TACC2: variants seen among roughly 807,000 people sequenced by gnomAD.
TACC2 encodes the protein transforming acidic coiled-coil containing protein 2.
TACC2 carries 137 observed loss-of-function variants against 227.3 expected under a neutral mutation model. That is an observed-to-expected ratio of 0.60 (90% CI 0.52 to 0.69). The LOEUF is 0.69. Among genes scored for constraint, TACC2 ranks in the 30% least tolerant of loss-of-function variants. The pLI, the probability that TACC2 is intolerant of heterozygous loss-of-function variation, is 0.00. For missense variants in TACC2, 3,470 were observed against 3,694.4 expected, an observed-to-expected ratio of 0.94 and a Z score of 1.57; for synonymous variants, 1,523 against 1,487.5, an observed-to-expected ratio of 1.02 and a Z score of -0.55.
At chr10:122,051,723 A>C (rs1281414621) in intron 3 of TACC2, 1 of 150,410 alleles carries the variant, frequency 6.6e-6, no homozygotes, top group African/African-American at 2.5e-5. Flanking sequence ...TTTGACTCAC[A>C]TGCTACTTCA....
chr10:122,115,271 AGTGTGTGTGTGTGTGTGTGTGT>A (rs1180604805), intron 5 of TACC2, among the ~76,000 whole-genome samples: 13 of 60,798 alleles, frequency 2.1e-4, no homozygotes, highest in South Asian at 9.8e-4. Flanking sequence ...TAGGTAGGTG[AGTGTGTGTGTGTGTGTGTGTGT>A]GTGTGTGTGT....
At chr10:122,062,673 G>C (rs910515469) in intron 3 of TACC2, among the ~76,000 whole-genome samples, 7 of 152,030 alleles carry the variant, frequency 4.6e-5, no homozygotes, top group African/African-American at 1.4e-4. Context: ...TCAACCTCTT[G>C]GCTTTTTCAG....
intron 7 of TACC2, among the ~76,000 whole-genome samples, chr10:122,146,557 A>G (rs1168966976): frequency 6.6e-6 from 1 of 152,088 alleles, no homozygotes; most frequent in African/African-American, 2.4e-5. Flanking sequence ...GACCCGAGCT[A>G]GCTTACTCAG....
chr10:122,229,591 G>A (rs1314938380), intron 15 of TACC2, 105 bp downstream of exon 15: 13 of 1,326,934 alleles, frequency 9.8e-6, no homozygotes, highest in Admixed American at 3.9e-5. Flanking sequence ...AGGAACTGCC[G>A]AGAACGTTCC....
At chr10:122,246,895 G>A (rs2096134803) in intron 19 of TACC2, 1 of 152,432 alleles carries the variant, frequency 6.6e-6, no homozygotes, top group African/African-American at 2.4e-5. Context: ...AGAGGAAAAT[G>A]AAGGACTCTA....
chr10:122,128,947 T>C (rs1425243363), intron 5 of TACC2, among the ~76,000 whole-genome samples: 1 of 151,966 alleles, frequency 6.6e-6, no homozygotes, highest in African/African-American at 2.4e-5. Context: ...CACATACCCA[T>C]GTATATCATT....
chr10:121,992,254 G>C (rs1388622252), intron 1 of TACC2, among the ~76,000 whole-genome samples: 1 of 152,216 alleles, frequency 6.6e-6, no homozygotes, highest in Non-Finnish European at 1.5e-5. Context: ...TGATATGCCA[G>C]GCTGTTCTTT....
At chr10:122,193,869 C>T (rs1478305568) in intron 7 of TACC2, among the ~76,000 whole-genome samples, 2 of 152,038 alleles carry the variant, frequency 1.3e-5, no homozygotes, top group Non-Finnish European at 1.5e-5. Context: ...ATTGAGTCAC[C>T]GGTGGAAGCA....
At chr10:122,145,952 C>T (rs2091320321) in intron 7 of TACC2, among the ~76,000 whole-genome samples, 1 of 152,212 alleles carries the variant, frequency 6.6e-6, no homozygotes, top group African/African-American at 2.4e-5. Flanking sequence ...CATTCAGCAA[C>T]ATGAACTTGG....
chr10:122,044,704 GA>G (rs2074767608), intron 2 of TACC2, among the ~76,000 whole-genome samples: 1 of 150,042 alleles, frequency 6.7e-6, no homozygotes, highest in Non-Finnish European at 1.5e-5. Context: ...TTTTTATGGT[GA>G]AATGCTTTAG....
chr10:122,226,055 C>T (rs759567348), intron 12 of TACC2, among the ~76,000 whole-genome samples: 20 of 152,342 alleles, frequency 1.3e-4, no homozygotes, highest in Non-Finnish European at 2.9e-4. Flanking sequence ...GCTCCTGGCC[C>T]AGAGAGCGTG....
At chr10:122,066,975 C>G (rs1034279394) in intron 3 of TACC2, among the ~76,000 whole-genome samples, 4 of 152,188 alleles carry the variant, frequency 2.6e-5, no homozygotes, top group African/African-American at 9.6e-5. Context: ...TCCATTTCTT[C>G]TGTTTCAGAC....
chr10:121,990,605 G>A (rs1350045607), intron 1 of TACC2, among the ~76,000 whole-genome samples: 5 of 152,020 alleles, frequency 3.3e-5, no homozygotes, highest in Non-Finnish European at 7.4e-5. Context: ...GCAGAGTCTT[G>A]TTTGGCTGGA....
Position 121,991,999 on chromosome 10 carries a change from A to G in TACC2, c.-46+2511A>G, listed in dbSNP as rs565541799. Among the ~76,000 whole-genome samples, 4 of 152,298 alleles carry G rather than the reference A, an allele frequency of 2.6e-5. No individual in the cohort carries two copies. In the South Asian group the frequency reaches 8.3e-4, roughly 32 times the overall value. ...GATTTCGTGAGACTTATTCACTATC[A>G]TGAGAACAACATGGGAAAGACCTGC... On this transcript the variant is annotated intron_variant, in intron 1 of 22. Coordinates refer to ENST00000369005, the MANE Select transcript of TACC2 (RefSeq NM_206862.4).
chr10:122,156,399 T>G (rs1032445554), intron 7 of TACC2, among the ~76,000 whole-genome samples: 1 of 151,018 alleles, frequency 6.6e-6, no homozygotes, highest in Admixed American at 6.6e-5. Flanking sequence ...AATTTTTTTG[T>G]ATTTTTAGTA....
At position 122,008,601 on chromosome 10, in the gene TACC2, C is replaced by G. The variant is rs138539510; in HGVS notation, c.-45-13336C>G. Among the ~76,000 whole-genome samples, 1,295 of 149,822 alleles carry G rather than the reference C, an allele frequency of 8.6e-3. 20 individuals are homozygous for G. The highest frequency in any genetic ancestry group is 0.03 in the African/African-American group (1,233 of 40,660). ...ACCTTTATTATTTTTGAGATGGAGT[C>G]TCACTCTGTCACCCAGGCTGGAGTG... On this transcript the variant is annotated intron_variant, in intron 1 of 22. Coordinates refer to ENST00000369005, the MANE Select transcript of TACC2 (RefSeq NM_206862.4).
intron 6 of TACC2, 133 bp downstream of exon 6, chr10:122,132,867 C>A: frequency 2.3e-6 from 2 of 877,302 alleles, no homozygotes; most frequent in Non-Finnish European, 3.5e-6. Flanking sequence ...CACACACACA[C>A]AGGGTGTGCA....
At chr10:122,157,477 G>A (rs919694565) in intron 7 of TACC2, among the ~76,000 whole-genome samples, 2 of 152,054 alleles carry the variant, frequency 1.3e-5, no homozygotes, top group Admixed American at 6.5e-5. Flanking sequence ...GGGAGAATGC[G>A]TGTTCAGAAA....
intron 7 of TACC2, chr10:122,192,603 A>C (rs1400549971): frequency 2.3e-6 from 1 of 429,946 alleles, no homozygotes; most frequent in East Asian, 7.3e-5. Flanking sequence ...ACATTGAAAG[A>C]GATTTAGGTC....
Sources: gnomAD v4.1 joint callset for allele counts (sites outside exome capture counted in the v4.1 genomes callset) on GRCh38, gnomAD v4.1.1 for gene constraint, MANE v1.5 for transcripts, NCBI Gene and HGNC (gene_info 2026-07-23, HGNC 2026-07-21) for gene names.